FOXA2: variants seen among roughly 807,000 people sequenced by gnomAD.
The protein encoded by FOXA2 is hepatocyte nuclear factor 3-beta.
In FOXA2, 9 loss-of-function variants were observed where a neutral mutation model predicts 33.3. The ratio of observed to expected loss-of-function variants is 0.27; its 90% CI spans 0.16 to 0.47. FOXA2 has a LOEUF of 0.47. FOXA2 is among the 20% of genes least tolerant of loss of function. FOXA2 has a pLI of 0.99. For missense variants in FOXA2, 704 were observed against 659.9 expected (o/e 1.07, Z -0.73); for synonymous variants, 329 against 289.4 (o/e 1.14, Z -1.39).
Position 22,582,263 on chromosome 20 carries a change from C to A in FOXA2, c.979G>T (p.Glu327Ter). Residue 327 changes from glutamate (E) to a stop codon, truncating the protein, a stop_gained, in exon 2 of 2, where the codon GAG (glutamate) becomes TAG (stop). Transcript: ENST00000419308. LOFTEE classifies it high-confidence loss of function. Reference protein sequence around the residue: ...CQEHKRGGLGELKGTPAAALS... With the variant: ...CQEHKRGGLG Reference sequence around the variant, plus strand: ...GCCGCAGCCGGCGTCCCCTTCAGCTCTCCCAGGCCCCCTCGCTTGTGCTCC... The same window carrying A: ...GCCGCAGCCGGCGTCCCCTTCAGCTATCCCAGGCCCCCTCGCTTGTGCTCC... The A allele has an allele frequency of 6.8e-7, 1 of 1,465,378 alleles. No individual in the cohort carries two copies. Among genetic ancestry groups the A allele is most frequent in the Non-Finnish European group, 9.0e-7 (1 of 1,116,388 alleles). 90.8% of individuals were successfully genotyped at this position (1,465,378 alleles called of 1,614,324 possible). A position where few individuals can be genotyped will look rare whatever the true frequency, so the allele number is the denominator to read the frequency against.
At position 22,584,392 on chromosome 20, in the gene FOXA2, G is replaced by T. The variant is rs375739739; in HGVS notation, c.-114C>A. ...GTCCCCTCCTCCCTCCCTCTCTCGC[G>T]CTCCCTCTCCCTGGGCTCCACTCCC... On this transcript the variant is annotated 5_prime_UTR_variant, in exon 1 of 2. Coordinates refer to ENST00000419308, the MANE Select transcript of FOXA2 (RefSeq NM_021784.5). The T allele has an allele frequency of 3.8e-3, 3,146 of 837,244 alleles. 9 individuals carry two copies. The highest frequency in any genetic ancestry group is 6.0e-3 in the Middle Eastern group (21 of 3,506). 51.9% of individuals were successfully genotyped at this position (837,244 alleles called of 1,614,324 possible).
chr20:22,584,623 G>C (rs2122999448), upstream of FOXA2, among the ~76,000 whole-genome samples: 1 of 150,836 alleles, frequency 6.6e-6, no homozygotes, highest in Non-Finnish European at 1.5e-5. Context: ...GGCTAGTGGG[G>C]GGGTGGGGAG....
chr20:22,584,485 G>A lies in FOXA2; in HGVS notation c.-207C>T, dbSNP rs920957629. ...CGGGAGGTGGGGGGGGGCGAGGAGC[G>A]GAGGAGGCCCAGGCCAGCGCCCCGC... On this transcript the variant is annotated 5_prime_UTR_variant, in exon 1 of 2. Coordinates refer to ENST00000419308, the MANE Select transcript of FOXA2 (RefSeq NM_021784.5). 2.2e-4 allele frequency: 132 copies of A among 593,058 alleles called. No individual in the cohort carries two copies. In the East Asian group the frequency reaches 3.8e-3, roughly 17 times the overall value. 36.7% of individuals were successfully genotyped at this position (593,058 alleles called of 1,614,324 possible).
rs1048693796 is a variant in FOXA2 at position 22,582,340 on chromosome 20, G to C, written c.902C>G (p.Ser301Cys). Residue 301 changes from serine (S) to cysteine (C), a missense_variant, in exon 2 of 2, where the codon TCC (serine) becomes TGC (cysteine). Transcript: ENST00000419308. Reference sequence around the variant, plus strand: ...CGACTCGGTGCCCGCCGGAGTCTCGGAGGCCGGCCCGGCGGCCTCCCCGAG... The same window carrying C: ...CGACTCGGTGCCCGCCGGAGTCTCGCAGGCCGGCCCGGCGGCCTCCCCGAG... ...AQLGEAAGPA[S>C]ETPAGTESPH... 6.7e-7 allele frequency: 1 copy of C among 1,481,612 alleles called. No homozygotes were observed. Among genetic ancestry groups the C allele is most frequent in the South Asian group, 1.4e-5 (1 of 72,330 alleles). The allele number at this position is 1,481,612 out of a possible 1,614,324, so 91.8% of individuals were successfully genotyped here.
rs756072603 is a variant in FOXA2 at position 22,581,813 on chromosome 20, G to C, written c.*37C>G. 17 of 1,590,978 alleles carry C rather than the reference G, an allele frequency of 1.1e-5. No homozygotes were observed. Among genetic ancestry groups the C allele is most frequent in the Non-Finnish European group, 1.7e-6 (2 of 1,161,482 alleles). Reference sequence around the variant, plus strand: ...GCTCTCTCACTTGTCCTCGATCCGGGGTGCCAGAGTTAGCCGGGCCTGAAG... The same window carrying C: ...GCTCTCTCACTTGTCCTCGATCCGGCGTGCCAGAGTTAGCCGGGCCTGAAG... On this transcript the variant is annotated 3_prime_UTR_variant, in exon 2 of 2. Coordinates refer to ENST00000419308, the MANE Select transcript of FOXA2 (RefSeq NM_021784.5).
upstream of FOXA2, among the ~76,000 whole-genome samples, chr20:22,584,672 TGGAGGAGGAGGAGGAGGA>T (rs1176408400): frequency 5.8e-5 from 2 of 34,402 alleles, no homozygotes; most frequent in South Asian, 8.7e-4. Context: ...GTGGTGGTGG[TGGAGGAGGAGGAGGAGGA>T]GGAGGAGGAG....
In FOXA2 at chr20:22,582,768, C is replaced by T. The variant is rs200013287; in HGVS notation, c.474G>A (p.Arg158=). Residue 158 remains arginine, a synonymous_variant, in exon 2 of 2, where the codon AGG becomes AGA. Coordinates refer to ENST00000419308, the MANE Select transcript of FOXA2 (RefSeq NM_021784.5). ...LSRARDPKTY[R]RSYTHAKPPY... is the part of the protein sequence containing the mutation. ...GCGGCTTTGCGTGCGTGTAGCTGCG[C>T]CTGTAGGTCTTGGGGTCGCGGGCGC... The T allele has an allele frequency of 1.9e-6, 3 of 1,614,020 alleles. No homozygotes were observed. The highest frequency in any genetic ancestry group is 1.3e-5 in the African/African-American group (1 of 74,932).
rs888906914 is a variant in FOXA2, at chr20:22,582,776, T to A, written c.466A>T (p.Thr156Ser). The A allele has an allele frequency of 6.2e-6, 10 of 1,613,838 alleles. No individual in the cohort carries two copies. The African/African-American group carries it at 1.3e-4, about 22-fold the overall frequency. ...AGLSRARDPK[T>S]YRRSYTHAKP... is the part of the protein sequence containing the mutation. ...GCGTGCGTGTAGCTGCGCCTGTAGG[T>A]CTTGGGGTCGCGGGCGCGGCTCAGG... is the stretch of plus-strand genomic sequence containing the variant. Residue 156 changes from threonine to serine, a missense_variant, in exon 2 of 2, where the codon ACC becomes TCC. Thr to Ser is a moderately conservative substitution (Grantham distance 58). Transcript: ENST00000419308.
rs1017711939 is a variant in FOXA2 at position 22,582,519 on chromosome 20, C to T, written c.723G>A (p.Leu241=). The T allele has an allele frequency of 1.9e-6, 3 of 1,614,104 alleles. No individual in the cohort carries two copies. The highest frequency in any genetic ancestry group is 2.5e-6 in the Non-Finnish European group (3 of 1,180,014). Residue 241 remains leucine, a synonymous_variant, in exon 2 of 2, where the codon CTG becomes CTA. Coordinates refer to ENST00000419308, the MANE Select transcript of FOXA2 (RefSeq NM_021784.5). ...DKPGKGSFWT[L]HPDSGNMFEN... is the part of the protein sequence containing the mutation. ...CGAACATGTTGCCCGAGTCAGGGTG[C>T]AGGGTCCAGAAGGAGCCCTTGCCGG...
intron 1 of FOXA2, among the ~76,000 whole-genome samples, chr20:22,583,506 G>A (rs1167606029): frequency 6.6e-6 from 1 of 152,120 alleles, no homozygotes; most frequent in Non-Finnish European, 1.5e-5. Context: ...CCAGCATACT[G>A]AGCTGGCGCC....
At position 22,582,089 on chromosome 20, in the gene FOXA2, T is replaced by C; in HGVS notation, c.1153A>G (p.Asn385Asp). 6.2e-7 allele frequency: 1 copy of C among 1,613,260 alleles called. No individual in the cohort carries two copies. The highest frequency in any genetic ancestry group is 8.5e-7 in the Non-Finnish European group (1 of 1,179,554). The change falls in exon 2 of 2, where the codon AAC (asparagine) becomes GAC (aspartate). Residue 385 changes from asparagine (N) to aspartate (D), a missense_variant. Asn to Asp is a conservative substitution (Grantham distance 23, BLOSUM62 1). Around this residue, in one of 5 missense-constraint regions of FOXA2, gnomAD observed 343 missense variants for 274.8 expected, o/e 1.25. Transcript: ENST00000419308. ...TGCTGCTCCGAGGACATGAGGTTGT[T>C]GATGGAGAACGGGTGGTTGAAGGCG... ...HYAFNHPFSI[N>D]NLMSSEQQHH...
At chr20:22,583,396 T>C (rs1984658652) in intron 1 of FOXA2, among the ~76,000 whole-genome samples, 1 of 152,170 alleles carries the variant, frequency 6.6e-6, no homozygotes, top group Non-Finnish European at 1.5e-5. Flanking sequence ...CTAGCCCTTC[T>C]CCACCTCGCC....
At chr20:22,583,225 C>CCA in intron 1 of FOXA2, 71 bp from the exon 2 acceptor site, 1 of 1,562,888 alleles carries the variant, frequency 6.4e-7, no homozygotes, top group Non-Finnish European at 8.7e-7. Context: ...GACCTCCCAC[C>CCA]CACCGCCCAG....
At position 22,584,226 on chromosome 20, in the gene FOXA2, G is replaced by T; in HGVS notation, c.53C>A (p.Pro18Gln). Residue 18 changes from proline to glutamine, a missense_variant, in exon 1 of 2, where the codon CCG becomes CAG. Pro to Gln is a moderately conservative substitution (Grantham distance 76, BLOSUM62 -1). Transcript: ENST00000419308. ...LGAVKMEGHE[P>Q]SDWSSYYAEP... ...TGCATAGTAGCTGCTCCAGTCGGAC[G>T]GCTCGTGCCCTTCCATCTTCACCGC... The T allele has an allele frequency of 6.2e-7, 1 of 1,613,998 alleles. No individual in the cohort carries two copies. Among genetic ancestry groups the T allele is most frequent in the Non-Finnish European group, 8.5e-7 (1 of 1,180,004 alleles).
At position 22,582,076 on chromosome 20, in the gene FOXA2, G is replaced by A. The variant is rs745674979; in HGVS notation, c.1166C>T (p.Ser389Phe). The change falls in exon 2 of 2, where the codon TCC (serine) becomes TTC (phenylalanine). Residue 389 changes from serine (S) to phenylalanine (F), a missense_variant. Around this residue, in one of 5 missense-constraint regions of FOXA2, gnomAD observed 343 missense variants for 274.8 expected, o/e 1.25. Coordinates refer to ENST00000419308, the MANE Select transcript of FOXA2 (RefSeq NM_021784.5). ...GCTGTGGTGGTGCTGCTGCTCCGAG[G>A]ACATGAGGTTGTTGATGGAGAACGG... ...NHPFSINNLM[S>F]SEQQHHHSHH... The A allele has an allele frequency of 3.1e-6, 5 of 1,613,774 alleles. No homozygotes were observed. The Admixed American group carries it at 8.3e-5, about 27-fold the overall frequency.
upstream of FOXA2, among the ~76,000 whole-genome samples, chr20:22,584,685 G>A (rs1600435566): frequency 6.8e-6 from 1 of 147,280 alleles, no homozygotes; most frequent in African/African-American, 2.5e-5. Flanking sequence ...AGGAGGAGGA[G>A]GAGGAGGAGG....
upstream of FOXA2, among the ~76,000 whole-genome samples, chr20:22,584,773 C>A (rs1461848076): frequency 6.6e-6 from 1 of 151,684 alleles, no homozygotes. Flanking sequence ...TGATATAGCG[C>A]GGCGCGCTGG....
rs200689842 is a variant in FOXA2 at position 22,581,456 on chromosome 20, CA to C, written c.*393del. 3 of 155,772 alleles carry C rather than the reference CA, an allele frequency of 1.9e-5. No individual in the cohort carries two copies. The highest frequency in any genetic ancestry group is 3.0e-5 in the African/African-American group (1 of 33,330). 9.6% of individuals were successfully genotyped at this position (155,772 alleles called of 1,614,324 possible). A position where few individuals can be genotyped will look rare whatever the true frequency, so the allele number is the denominator to read the frequency against. The stretch of plus-strand genomic sequence containing the variant: ...ACATGGTTTTACACCGAGTCACTCA[CA>C]AAATTTTTTTTTTTTTTTAAGTAAG... On this transcript the variant is annotated 3_prime_UTR_variant, in exon 2 of 2. Coordinates refer to ENST00000419308, the MANE Select transcript of FOXA2 (RefSeq NM_021784.5).
intron 1 of FOXA2, among the ~76,000 whole-genome samples, chr20:22,583,557 G>T (rs1363361807): frequency 6.6e-6 from 1 of 152,226 alleles, no homozygotes; most frequent in African/African-American, 2.4e-5. Context: ...GTCGCAGCAA[G>T]CAACCTGCGG....
Sources: allele counts gnomAD v4.1 joint callset (sites outside exome capture counted in the v4.1 genomes callset), GRCh38; gene constraint gnomAD v4.1.1; regional missense constraint gnomAD v4.1.1; transcripts MANE v1.5; gene names NCBI Gene and HGNC (gene_info 2026-07-23, HGNC 2026-07-21).